Variants in SPICE1 observed in about 807,000 individuals in gnomAD.
SPICE1 encodes spindle and centriole associated protein 1, also known as spindle and centriole-associated protein 1.
A neutral mutation model predicts 102.7 loss-of-function variants in SPICE1; 75 were observed. The ratio of observed to expected loss-of-function variants is 0.73; its 90% confidence interval spans 0.61 to 0.88. SPICE1 has a LOEUF of 0.88. Among genes scored for constraint, SPICE1 ranks in the 40% least tolerant of loss-of-function variants. The pLI is 0.00. For synonymous variants in SPICE1, 308 were observed against 350.3 expected (o/e 0.88, Z 1.35); for missense variants, 979 against 1,020.1 (o/e 0.96, Z 0.55).
intron 11 of SPICE1, among the ~76,000 whole-genome samples, chr3:113,461,401 C>T (rs1439143232): frequency 6.6e-6 from 1 of 151,088 alleles, no homozygotes; most frequent in African/African-American, 2.4e-5. Context: ...AAATACCATA[C>T]CCATAGATTT....
intron 7 of SPICE1, among the ~76,000 whole-genome samples, chr3:113,471,786 A>T (rs78446640): frequency 0.043 from 6,544 of 152,196 alleles, 168 homozygotes; most frequent in East Asian, 0.1. Flanking sequence ...CAAAAAAAAA[A>T]TTTTGTTTTT....
In SPICE1 at chr3:113,453,866, T is replaced by C; in HGVS notation, c.1742A>G (p.Glu581Gly). ...EIIEKEQNWEEKTLPIDTDIQ... is the reference protein window; with the variant it reads ...EIIEKEQNWEGKTLPIDTDIQ... ...GTCTGTATCAATAGGTAAGGTCTTC[T>C]CTTCCCAATTTTGTTCCTTCTCAAT... is the stretch of plus-strand genomic sequence containing the variant. Residue 581 changes from glutamate to glycine, a missense_variant, in exon 14 of 18, where the codon GAG becomes GGG. By Grantham distance (98) the Glu-to-Gly change is moderately conservative (BLOSUM62 -2). Coordinates refer to ENST00000295872, the MANE Select transcript of SPICE1 (RefSeq NM_144718.4). 4.3e-6 allele frequency: 7 copies of C among 1,614,240 alleles called. No individual in the cohort carries two copies. Among genetic ancestry groups the C allele is most frequent in the Non-Finnish European group, 5.9e-6 (7 of 1,180,036 alleles).
At chr3:113,464,904 C>T (rs917027094) in intron 11 of SPICE1, among the ~76,000 whole-genome samples, 3 of 152,150 alleles carry the variant, frequency 2.0e-5, no homozygotes, top group South Asian at 2.1e-4. Flanking sequence ...CCCTGGAGTT[C>T]GAGACCAGCC....
Position 113,495,129 on chromosome 3 carries a change from A to G in SPICE1, c.292-987T>C, listed in dbSNP as rs761791614. Among the ~76,000 whole-genome samples, 184 of 152,340 alleles carry G rather than the reference A, an allele frequency of 1.2e-3. 1 individual carries two copies. Among genetic ancestry groups the G allele is most frequent in the Non-Finnish European group, 2.0e-3 (138 of 68,030 alleles). On this transcript the variant is annotated intron_variant, in intron 4 of 17. Transcript: ENST00000295872. ...TTACAGTAGTGCCTCTGGATTATGC[A>G]CTTTCAACTTAGGAACTTTCATAAT... is the stretch of plus-strand genomic sequence containing the variant.
In SPICE1 at chr3:113,488,983, A is replaced by G; in HGVS notation, c.573T>C (p.Asp191=). The G allele has an allele frequency of 1.2e-6, 2 of 1,612,982 alleles. No homozygotes were observed. The highest frequency in any genetic ancestry group is 1.7e-6 in the Non-Finnish European group (2 of 1,179,028). The change falls in exon 7 of 18, where the codon GAT becomes GAC. Residue 191 remains aspartate (D), a synonymous_variant. Coordinates refer to ENST00000295872, the MANE Select transcript of SPICE1 (RefSeq NM_144718.4). ...SGESENENEL[D]NSLNSQSNTN... is the part of the protein sequence containing the mutation. ...TGTTAGACTGAGAGTTTAGAGAGTT[A>G]TCCAACTCATTCTCATTCTCACTTT...
intron 13 of SPICE1, 146 bp from the exon 14 acceptor site, chr3:113,454,096 A>T: frequency 1.4e-6 from 1 of 711,442 alleles, no homozygotes; most frequent in Non-Finnish European, 2.3e-6. Context: ...TTTTCAGCAG[A>T]GAACACACCA....
chr3:113,506,291 T>C (rs1160484594), intron 2 of SPICE1, among the ~76,000 whole-genome samples: 1 of 152,196 alleles, frequency 6.6e-6, no homozygotes, highest in African/African-American at 2.4e-5. Context: ...TCAGAGGATA[T>C]AGAGGTTACA....
At chr3:113,505,951 A>C (rs1937100137) in intron 2 of SPICE1, among the ~76,000 whole-genome samples, 1 of 152,180 alleles carries the variant, frequency 6.6e-6, no homozygotes, top group African/African-American at 2.4e-5. Context: ...GGCAATATTC[A>C]GGTTAGGAGC....
intron 7 of SPICE1, among the ~76,000 whole-genome samples, chr3:113,470,626 A>C (rs935340490): frequency 2.6e-5 from 4 of 152,200 alleles, no homozygotes; most frequent in Non-Finnish European, 5.9e-5. Context: ...TCTACTCTCT[A>C]TCTTCCTAAG....
chr3:113,452,923 A>G (rs1202191452), intron 14 of SPICE1, among the ~76,000 whole-genome samples: 1 of 152,196 alleles, frequency 6.6e-6, no homozygotes, highest in East Asian at 1.9e-4. Flanking sequence ...GGTTGCAGTG[A>G]GCCGAGATCA....
chr3:113,450,046 C>G, intron 15 of SPICE1: 1 of 320,334 alleles, frequency 3.1e-6, no homozygotes, highest in Non-Finnish European at 5.8e-6. Context: ...AGCATATGAC[C>G]TAAGTGAACC....
Position 113,468,367 on chromosome 3 carries a change from C to A in SPICE1, c.927G>T (p.Pro309=), listed in dbSNP as rs201098702. Reference sequence around the variant, plus strand: ...TGCTACCTGATGATATGTTTTTCTTCGGCTTGGAAAGAGCATGCAAATTCG... The same window carrying A: ...TGCTACCTGATGATATGTTTTTCTTAGGCTTGGAAAGAGCATGCAAATTCG... ...RKPNLHALSK[P]KKNISSGSTT... is the part of the protein sequence containing the mutation. The change falls in exon 10 of 18, where the codon CCG becomes CCT. Residue 309 remains proline, a synonymous_variant. Transcript: ENST00000295872. 6.2e-7 allele frequency: 1 copy of A among 1,614,068 alleles called. No homozygotes were observed. The highest frequency in any genetic ancestry group is 1.3e-5 in the African/African-American group (1 of 75,038).
At position 113,469,146 on chromosome 3, in the gene SPICE1, GTTAT is replaced by G; in HGVS notation, c.700_703del (p.Ile234LeufsTer19). The G allele has an allele frequency of 3.7e-6, 6 of 1,613,566 alleles. No homozygotes were observed. Among genetic ancestry groups the G allele is most frequent in the Non-Finnish European group, 5.1e-6 (6 of 1,179,760 alleles). ...AGCAGATGATGGCGTTCCTGGAGGA[GTTAT>G]TTGTGACTGGGTTGCTATTTTCTGC... On this transcript the variant is annotated frameshift_variant, in exon 8 of 18. Transcript: ENST00000295872. LOFTEE classifies it high-confidence loss of function.
In SPICE1 at chr3:113,514,941, A is replaced by G. The variant is rs1468194791; in HGVS notation, c.-45T>C. On this transcript the variant is annotated 5_prime_UTR_variant, in exon 1 of 18. Coordinates refer to ENST00000295872, the MANE Select transcript of SPICE1 (RefSeq NM_144718.4). ...AGCCGCGGCTGCGCTTCCTGAAGTA[A>G]GGATTCCCCAACCGGGCGCCTGGAT... is the stretch of plus-strand genomic sequence containing the variant. The G allele has an allele frequency of 7.6e-6, 8 of 1,046,426 alleles. No individual in the cohort carries two copies. The highest frequency in any genetic ancestry group is 9.8e-6 in the Non-Finnish European group (8 of 819,080). The allele number at this position is 1,046,426 out of a possible 1,614,324, so 64.8% of individuals were successfully genotyped here.
Position 113,460,167 on chromosome 3 carries a change from A to G in SPICE1, c.1435+450T>C, listed in dbSNP as rs1440447839. 3 of 985,328 alleles carry G rather than the reference A, an allele frequency of 3.0e-6. No homozygotes were observed. The African/African-American group carries it at 5.2e-5, about 17-fold the overall frequency. 61.0% of individuals were successfully genotyped at this position (985,328 alleles called of 1,614,324 possible). A position where few individuals can be genotyped will look rare whatever the true frequency, so the allele number is the denominator to read the frequency against. ...AAAATAACAACACTATCACACATGA[A>G]CAAAAGTTATGAATTTCTAAAACTC... On this transcript the variant is annotated intron_variant, in intron 12 of 17. Coordinates refer to ENST00000295872, the MANE Select transcript of SPICE1 (RefSeq NM_144718.4).
At chr3:113,500,624 G>T (rs1157620592) in intron 3 of SPICE1, among the ~76,000 whole-genome samples, 2 of 152,080 alleles carry the variant, frequency 1.3e-5, no homozygotes, top group Non-Finnish European at 2.9e-5. Context: ...AAAGAAAAGG[G>T]TAAGATAAAT....
In SPICE1 at chr3:113,453,638, CT is replaced by C. The variant is rs1226374401; in HGVS notation, c.1969del (p.Arg657GlufsTer6). 1 of 1,614,120 alleles carries C rather than the reference CT, an allele frequency of 6.2e-7. No homozygotes were observed. ...LPVLGDGQQL[R>X]TNESLIQRKD... ...TCTTTGTATTAATGACTCATTTGTT[CT>C]CAGCTGCTGCCCATCTCCCAGTACT... On this transcript the variant is annotated frameshift_variant, in exon 14 of 18. Transcript: ENST00000295872. LOFTEE classifies it high-confidence loss of function.
intron 1 of SPICE1, among the ~76,000 whole-genome samples, chr3:113,508,263 GA>G (rs1172695573): frequency 6.6e-6 from 1 of 151,956 alleles, no homozygotes; most frequent in African/African-American, 2.4e-5. Flanking sequence ...AGCAACCAAA[GA>G]AAAAAATAAA....
At chr3:113,459,050 G>A (rs1233811984) in intron 12 of SPICE1, among the ~76,000 whole-genome samples, 1 of 152,156 alleles carries the variant, frequency 6.6e-6, no homozygotes, top group African/African-American at 2.4e-5. Flanking sequence ...AGACATAGGA[G>A]ACTCCATTTT....
Sources: gnomAD v4.1 joint callset for allele counts (sites outside exome capture counted in the v4.1 genomes callset) on GRCh38, gnomAD v4.1.1 for gene constraint, MANE v1.5 for transcripts, NCBI Gene and HGNC (gene_info 2026-07-23, HGNC 2026-07-21) for gene names.